The following VRK2 variants were observed in gnomAD, a reference collection of about 807,000 sequenced individuals.
The protein encoded by VRK2 is serine/threonine-protein kinase VRK2.
VRK2 carries 60 observed loss-of-function variants against 57.6 expected under a neutral mutation model. The ratio of observed to expected loss-of-function variants is 1.04; its 90% confidence interval spans 0.85 to 1.29. The LOEUF (loss-of-function observed/expected upper bound fraction) is 1.29. VRK2 is among the 50% of genes most tolerant of loss of function. The probability of loss-of-function intolerance (pLI) is 0.00; values close to 1 mark genes in which losing one functional copy is unlikely to be tolerated. For synonymous variants in VRK2, 231 were observed against 199.2 expected, an observed-to-expected ratio of 1.16 and a Z score of -1.35; for missense variants, 705 against 588.1, an observed-to-expected ratio of 1.20 and a Z score of -2.06.
At chr2:57,937,914 C>A (rs995969177) in intron 1 of VRK2, among the ~76,000 whole-genome samples, 4 of 150,046 alleles carry the variant, frequency 2.7e-5, no homozygotes, top group Non-Finnish European at 4.4e-5. Context: ...TCACTGCAAC[C>A]TCCACCTCCT....
intron 1 of VRK2, among the ~76,000 whole-genome samples, chr2:57,927,212 T>G (rs1439005538): frequency 1.3e-5 from 2 of 152,036 alleles, no homozygotes; most frequent in Admixed American, 1.3e-4. Flanking sequence ...CTATTTATAT[T>G]TTATTGTATT....
chr2:58,034,288 C>G (rs1246559514), intron 3 of VRK2, among the ~76,000 whole-genome samples: 1 of 151,962 alleles, frequency 6.6e-6, no homozygotes, highest in Admixed American at 6.6e-5. Flanking sequence ...GTTTTGGGGC[C>G]TTAGCAAATT....
At chr2:57,961,831 G>A (rs1050127412) in intron 1 of VRK2, among the ~76,000 whole-genome samples, 3 of 152,106 alleles carry the variant, frequency 2.0e-5, no homozygotes, top group African/African-American at 7.2e-5. Flanking sequence ...AATCCCAGCA[G>A]TTTGGGAGGC....
intron 1 of VRK2, among the ~76,000 whole-genome samples, chr2:58,015,928 GT>G (rs1673566450): frequency 6.6e-6 from 1 of 151,222 alleles, no homozygotes; most frequent in African/African-American, 2.4e-5. Flanking sequence ...ATTTGATTTT[GT>G]TTTTTTCTTA....
At chr2:58,137,932 A>AGCCAAAC (rs1680782081) in intron 10 of VRK2, among the ~76,000 whole-genome samples, 1 of 152,206 alleles carries the variant, frequency 6.6e-6, no homozygotes, top group South Asian at 2.1e-4. Flanking sequence ...CAGGTTTGTA[A>AGCCAAAC]TAATAAATTT....
intron 1 of VRK2, among the ~76,000 whole-genome samples, chr2:57,939,678 C>T (rs538001980): frequency 5.3e-4 from 80 of 152,284 alleles, no homozygotes; most frequent in African/African-American, 1.8e-3. Context: ...AAAGTAAATG[C>T]ACATTTCAGC....
At chr2:58,002,376 G>T (rs1343463282) in intron 1 of VRK2, among the ~76,000 whole-genome samples, 1 of 152,078 alleles carries the variant, frequency 6.6e-6, no homozygotes, top group Non-Finnish European at 1.5e-5. Context: ...TACTCGGGAG[G>T]CTGAGGCAGA....
chr2:58,042,985 A>G (rs1375020244), upstream of VRK2, among the ~76,000 whole-genome samples: 3 of 152,204 alleles, frequency 2.0e-5, no homozygotes, highest in Non-Finnish European at 2.9e-5. Context: ...GCTCTGAATC[A>G]TAAAATTCTG....
At chr2:58,074,213 T>A (rs942649411) in intron 2 of VRK2, among the ~76,000 whole-genome samples, 1 of 152,296 alleles carries the variant, frequency 6.6e-6, no homozygotes, top group East Asian at 1.9e-4. Flanking sequence ...AGACATCATA[T>A]AGTTGTCTTA....
At chr2:58,118,533 G>A (rs1676886460) in intron 7 of VRK2, among the ~76,000 whole-genome samples, 1 of 152,234 alleles carries the variant, frequency 6.6e-6, no homozygotes, top group South Asian at 2.1e-4. Context: ...GGAGAAGATA[G>A]TAAAAAGAGG....
intron 11 of VRK2, among the ~76,000 whole-genome samples, chr2:58,145,264 G>C (rs1426366183): frequency 6.6e-6 from 1 of 151,980 alleles, no homozygotes; most frequent in Non-Finnish European, 1.5e-5. Context: ...AGAAACCTTA[G>C]AGACAGCAAG....
At chr2:58,043,549 G>C (rs1674549184), upstream of VRK2, among the ~76,000 whole-genome samples, 2 of 152,040 alleles carry the variant, frequency 1.3e-5, no homozygotes, top group Non-Finnish European at 2.9e-5. Context: ...TATTCATCCA[G>C]CTTGTTGACT....
chr2:58,131,785 C>A (rs1394161607), intron 8 of VRK2, 23 bp from the exon 9 acceptor site: 9 of 1,565,792 alleles, frequency 5.7e-6, no homozygotes, highest in Admixed American at 4.1e-5. Flanking sequence ...CCTTATCTTT[C>A]TCTCTAATGC....
At chr2:57,968,971 G>A (rs1672008299) in intron 1 of VRK2, among the ~76,000 whole-genome samples, 1 of 152,036 alleles carries the variant, frequency 6.6e-6, no homozygotes, top group South Asian at 2.1e-4. Flanking sequence ...AAATAAAGAT[G>A]TCAATATAAT....
chr2:58,098,444 T>C (rs1239487648), intron 7 of VRK2, among the ~76,000 whole-genome samples: 1 of 152,100 alleles, frequency 6.6e-6, no homozygotes, highest in African/African-American at 2.4e-5. Flanking sequence ...TCCAGTCTTG[T>C]AAGTTCCATT....
At chr2:57,956,833 AAC>A (rs968488117) in intron 1 of VRK2, among the ~76,000 whole-genome samples, 19 of 152,134 alleles carry the variant, frequency 1.2e-4, no homozygotes, top group South Asian at 4.1e-4. Context: ...TCCTTATTAA[AAC>A]ACAGTTTTAA....
At chr2:58,149,515 A>G (rs922688852) in intron 12 of VRK2, among the ~76,000 whole-genome samples, 1 of 151,528 alleles carries the variant, frequency 6.6e-6, no homozygotes, top group African/African-American at 2.4e-5. Context: ...TTTCCAATAT[A>G]TGCCCTTTAT....
chr2:57,961,306 C>A (rs1222846779), intron 1 of VRK2, among the ~76,000 whole-genome samples: 1 of 152,094 alleles, frequency 6.6e-6, no homozygotes, highest in African/African-American at 2.4e-5. Context: ...GCTGTCCAGG[C>A]AGAAGCAGCC....
chr2:58,146,592 G>A, intron 12 of VRK2, 118 bp downstream of exon 12: 1 of 1,193,972 alleles, frequency 8.4e-7, no homozygotes, highest in East Asian at 2.7e-5. Flanking sequence ...TTTGTTAAAT[G>A]AGAAGGGACA....
Sources: allele counts gnomAD v4.1 joint callset (sites outside exome capture counted in the v4.1 genomes callset), GRCh38; gene constraint gnomAD v4.1.1; transcripts MANE v1.5; gene names NCBI Gene and HGNC (gene_info 2026-07-23, HGNC 2026-07-21).